JAKMIP2: variants seen among roughly 807,000 people sequenced by gnomAD.
The protein encoded by JAKMIP2 is janus kinase and microtubule-interacting protein 2.
JAKMIP2 carries 25 observed loss-of-function variants against 115.0 expected under a neutral mutation model. That is an observed-to-expected ratio of 0.22 (90% CI 0.16 to 0.30). The LOEUF is 0.30. Ranked by LOEUF, JAKMIP2 falls within the 10% of genes least tolerant of loss-of-function variation. JAKMIP2 has a pLI of 1.00. For missense variants in JAKMIP2, 642 were observed against 957.6 expected (o/e 0.67, Z 4.35); for synonymous variants, 334 against 343.6 (o/e 0.97, Z 0.31).
At chr5:147,675,783 A>ATTTTTTTTT (rs1245892919) in intron 1 of JAKMIP2, among the ~76,000 whole-genome samples, 4 of 99,202 alleles carry the variant, frequency 4.0e-5, no homozygotes, top group Non-Finnish European at 6.1e-5. Context: ...ATCATATGAC[A>ATTTTTTTTT]TTTTTTTTTT....
At chr5:147,597,250 G>A (rs1258274564) in intron 21 of JAKMIP2, among the ~76,000 whole-genome samples, 1 of 152,012 alleles carries the variant, frequency 6.6e-6, no homozygotes, top group Non-Finnish European at 1.5e-5. Context: ...TTTTCCCCAG[G>A]CTACCTGAGT....
At chr5:147,639,789 C>T (rs764369598) in intron 9 of JAKMIP2, 29 bp from the exon 10 acceptor site, 1 of 1,608,918 alleles carries the variant, frequency 6.2e-7, no homozygotes, top group Non-Finnish European at 8.5e-7. Flanking sequence ...AGCCCCAAAA[C>T]AATTGTGTTA....
intron 2 of JAKMIP2, among the ~76,000 whole-genome samples, chr5:147,668,271 G>A (rs140594636): frequency 2.3e-4 from 35 of 152,264 alleles, no homozygotes; most frequent in Non-Finnish European, 5.1e-4. Flanking sequence ...TGCTGTTCAC[G>A]AAACCATAGT....
chr5:147,660,022 T>C (rs1758877951), intron 3 of JAKMIP2, among the ~76,000 whole-genome samples: 1 of 152,104 alleles, frequency 6.6e-6, no homozygotes, highest in African/African-American at 2.4e-5. Flanking sequence ...TAGTTTTTCC[T>C]AAAAAAAGCC....
intron 1 of JAKMIP2, among the ~76,000 whole-genome samples, chr5:147,774,608 G>T (rs1243146888): frequency 1.3e-5 from 2 of 151,996 alleles, no homozygotes; most frequent in African/African-American, 4.8e-5. Flanking sequence ...ATTTCATTTT[G>T]GAAAATAGGT....
intron 16 of JAKMIP2, 88 bp from the exon 17 acceptor site, chr5:147,623,777 C>T (rs1265145306): frequency 2.7e-6 from 2 of 729,308 alleles, no homozygotes; most frequent in African/African-American, 1.8e-5. Flanking sequence ...CCGTCTCCTC[C>T]CCTTATATCT....
At chr5:147,752,004 C>T (rs750912362) in intron 1 of JAKMIP2, among the ~76,000 whole-genome samples, 21 of 152,010 alleles carry the variant, frequency 1.4e-4, no homozygotes, top group Non-Finnish European at 2.8e-4. Context: ...ATAAAAGCAA[C>T]CAAATTAATA....
intron 1 of JAKMIP2, among the ~76,000 whole-genome samples, chr5:147,684,618 G>T (rs900924195): frequency 6.6e-6 from 1 of 152,146 alleles, no homozygotes; most frequent in African/African-American, 2.4e-5. Context: ...GAAACCAATA[G>T]GTGTGCAGTT....
At chr5:147,651,367 T>C (rs1299290078) in intron 3 of JAKMIP2, among the ~76,000 whole-genome samples, 1 of 152,186 alleles carries the variant, frequency 6.6e-6, no homozygotes. Flanking sequence ...TTGAGTTCCC[T>C]TGGAATGAAA....
intron 1 of JAKMIP2, among the ~76,000 whole-genome samples, chr5:147,682,741 G>A (rs1760354974): frequency 6.6e-6 from 1 of 152,110 alleles, no homozygotes; most frequent in African/African-American, 2.4e-5. Flanking sequence ...TATTTTGCAG[G>A]AGCCCTTGAA....
At position 147,620,759 on chromosome 5, in the gene JAKMIP2, A is replaced by G. The variant is rs1392591830; in HGVS notation, c.2065-16T>C. On this transcript the variant is annotated splice_polypyrimidine_tract_variant and intron_variant, in intron 17 of 21. Transcript: ENST00000616793. ...AGAACTGTTCCTATAACAAAGGGCC[A>G]TATTGATAGAGTCAGCTTAGTTAAC... is the stretch of plus-strand genomic sequence containing the variant. 3 of 1,587,388 alleles carry G rather than the reference A, an allele frequency of 1.9e-6. No homozygotes were observed. Among genetic ancestry groups the G allele is most frequent in the East Asian group, 2.2e-5 (1 of 44,642 alleles).
At position 147,724,829 on chromosome 5, in the gene JAKMIP2, T is replaced by C. The variant is rs529738570; in HGVS notation, c.-148-52875A>G. On this transcript the variant is annotated intron_variant, in intron 1 of 21. Coordinates refer to ENST00000616793, the MANE Select transcript of JAKMIP2 (RefSeq NM_001270941.2). ...CCTTTTTAATCACTGTCTTCATAGATAGATAAAAAACAAGGAAGGAAGGAA... is the reference window on the plus strand; with the variant it reads ...CCTTTTTAATCACTGTCTTCATAGACAGATAAAAAACAAGGAAGGAAGGAA... 3.9e-5 allele frequency among the ~76,000 whole-genome samples: 6 copies of C among 152,192 alleles called. No individual in the cohort carries two copies. The South Asian group carries it at 8.3e-4, about 21-fold the overall frequency.
chr5:147,775,206 G>A (rs1480964406), intron 1 of JAKMIP2, among the ~76,000 whole-genome samples: 1 of 152,162 alleles, frequency 6.6e-6, no homozygotes, highest in Admixed American at 6.5e-5. Context: ...TCTTGTACAA[G>A]TCACTCTTTT....
intron 5 of JAKMIP2, among the ~76,000 whole-genome samples, chr5:147,645,649 T>C (rs999130013): frequency 6.6e-6 from 1 of 152,188 alleles, no homozygotes; most frequent in Non-Finnish European, 1.5e-5. Context: ...GAGCATACTC[T>C]CATTTGCTTG....
At chr5:147,636,885 C>A in intron 11 of JAKMIP2, 80 bp downstream of exon 11, 1 of 844,566 alleles carries the variant, frequency 1.2e-6, no homozygotes, top group Non-Finnish European at 2.1e-6. Flanking sequence ...GTCCTGGGTG[C>A]GGCCCATGCA....
chr5:147,698,248 G>T (rs182476230), intron 1 of JAKMIP2, among the ~76,000 whole-genome samples: 4 of 152,164 alleles, frequency 2.6e-5, no homozygotes, highest in African/African-American at 9.7e-5. Flanking sequence ...TTTTGAACAG[G>T]TGTATTTACC....
chr5:147,639,602 T>G, intron 10 of JAKMIP2, 30 bp downstream of exon 10: 1 of 1,594,752 alleles, frequency 6.3e-7, no homozygotes, highest in Middle Eastern at 1.7e-4. Flanking sequence ...TGCACGCTAA[T>G]TCAGAGCACT....
chr5:147,652,449 A>G (rs1460263855), intron 3 of JAKMIP2, among the ~76,000 whole-genome samples: 2 of 152,204 alleles, frequency 1.3e-5, no homozygotes, highest in Admixed American at 6.5e-5. Flanking sequence ...AATCAACCAA[A>G]GCCCTACTTA....
intron 1 of JAKMIP2, among the ~76,000 whole-genome samples, chr5:147,716,179 A>C (rs1488171406): frequency 1.4e-5 from 2 of 138,254 alleles, no homozygotes; most frequent in Non-Finnish European, 3.1e-5. Flanking sequence ...TGAACTCATC[A>C]TTTTTTATGG....
Sources: gnomAD v4.1 joint callset for allele counts (sites outside exome capture counted in the v4.1 genomes callset) on GRCh38, gnomAD v4.1.1 for gene constraint, MANE v1.5 for transcripts, NCBI Gene and HGNC (gene_info 2026-07-23, HGNC 2026-07-21) for gene names.